Variants in STOX2 observed in about 807,000 individuals in gnomAD.
The protein encoded by STOX2 is storkhead box 2, also known as storkhead-box protein 2.
STOX2 carries 28 observed loss-of-function variants against 60.9 expected under a neutral mutation model. The observed-to-expected ratio is 0.46, with a 90% CI of 0.34 to 0.63. The LOEUF (loss-of-function observed/expected upper bound fraction) is 0.63, where lower values mean the gene tolerates loss of function less well. Among genes scored for constraint, STOX2 ranks in the 30% least tolerant of loss-of-function variants. The probability of loss-of-function intolerance (pLI) is 0.01; values close to 1 mark genes in which losing one functional copy is unlikely to be tolerated. For missense variants in STOX2, 1,024 were observed against 1,187.7 expected (o/e 0.86, Z 2.03); for synonymous variants, 472 against 463.9 (o/e 1.02, Z -0.22).
intron 1 of STOX2, among the ~76,000 whole-genome samples, chr4:183,965,194 G>T (rs1743527334): frequency 6.6e-6 from 1 of 152,206 alleles, no homozygotes; most frequent in Non-Finnish European, 1.5e-5. Context: ...CATGTGGAAT[G>T]GTGACAAGTG....
intron 1 of STOX2, among the ~76,000 whole-genome samples, chr4:183,971,546 G>A (rs774526754): frequency 2.6e-5 from 4 of 152,176 alleles, no homozygotes; most frequent in Non-Finnish European, 5.9e-5. Flanking sequence ...AAAGAAAATA[G>A]TTGGCCAAAG....
chr4:183,988,190 A>G (rs1732934228), intron 1 of STOX2: 2 of 152,088 alleles, frequency 1.3e-5, no homozygotes, highest in African/African-American at 4.8e-5. Flanking sequence ...TCTTGGAGCG[A>G]TGACTCATTT....
chr4:183,924,852 C>T (rs1407852611), intron 1 of STOX2, among the ~76,000 whole-genome samples: 1 of 152,072 alleles, frequency 6.6e-6, no homozygotes, highest in Non-Finnish European at 1.5e-5. Context: ...GGCAAGATAC[C>T]AGAGTCAAGA....
At chr4:183,870,353 C>T (rs138581964) in intron 1 of STOX2, among the ~76,000 whole-genome samples, 231 of 152,292 alleles carry the variant, frequency 1.5e-3, no homozygotes, top group African/African-American at 5.3e-3. Flanking sequence ...AACCCTAAAA[C>T]CATTTCTTTC....
At chr4:183,884,258 C>T (rs1741027075) in intron 1 of STOX2, among the ~76,000 whole-genome samples, 2 of 152,006 alleles carry the variant, frequency 1.3e-5, no homozygotes, top group African/African-American at 2.4e-5. Flanking sequence ...AACTTGTCAC[C>T]ACAGAAAAGG....
chr4:183,952,309 G>T (rs1479286967), intron 1 of STOX2, among the ~76,000 whole-genome samples: 1 of 151,824 alleles, frequency 6.6e-6, no homozygotes, highest in Non-Finnish European at 1.5e-5. Context: ...TTCTTCTAAA[G>T]AAAAAAGAAA....
At chr4:183,798,904 GTTTTTGTA>G (rs757141856) in intron 1 of STOX2, 434,918 of 749,462 alleles carry the variant, frequency 0.58, 129,552 homozygotes, top group Admixed American at 0.62. Flanking sequence ...TATACTTTGA[GTTTTTGTA>G]CTATTACATA....
At position 183,825,405 on chromosome 4, in the gene STOX2, G is replaced by A. The variant is rs141208218; in HGVS notation, c.364+27350G>A. 1.5e-3 allele frequency among the ~76,000 whole-genome samples: 232 copies of A among 152,294 alleles called. 3 individuals carry two copies. The highest frequency in any genetic ancestry group is 5.1e-3 in the African/African-American group (212 of 41,574). ...ACAGCTGGGCCATCCCTCGTGTGGC[G>A]CGTGCTGCAGATGGCAGCGGTCAGC... On this transcript the variant is annotated intron_variant, in intron 1 of 2. Transcript: ENST00000513034. The surrounding 1 kb of genome is among the most constrained non-coding windows in gnomAD (Gnocchi z 4.1).
intron 1 of STOX2, among the ~76,000 whole-genome samples, chr4:183,994,943 T>A (rs1733267491): frequency 2.6e-5 from 4 of 152,110 alleles, no homozygotes; most frequent in Admixed American, 2.6e-4. Context: ...GAAAAAAAAA[T>A]TATTTAAAGA....
chr4:183,817,332 G>A lies in STOX2; in HGVS notation c.364+19277G>A, dbSNP rs112765188. Among the ~76,000 whole-genome samples the A allele has an allele frequency of 7.3e-3, 1,119 of 152,314 alleles. 11 individuals are homozygous for A. The highest frequency in any genetic ancestry group is 0.025 in the African/African-American group (1,035 of 41,562). On this transcript the variant is annotated intron_variant, in intron 1 of 2. Coordinates refer to the STOX2 transcript ENST00000513034. Reference sequence around the variant, plus strand: ...AAAAGAACGTGCCACACACCCGGAGGCGTGCCTTGCTTTGCAACCCTTTGC... The same window carrying A: ...AAAAGAACGTGCCACACACCCGGAGACGTGCCTTGCTTTGCAACCCTTTGC...
At chr4:183,929,443 T>A (rs1252562290) in intron 1 of STOX2, among the ~76,000 whole-genome samples, 1 of 152,208 alleles carries the variant, frequency 6.6e-6, no homozygotes, top group Admixed American at 6.5e-5. Context: ...TATATGACAT[T>A]ACGTGTAGTA....
At chr4:184,007,015 CAAA>C (rs61393267) in intron 2 of STOX2, among the ~76,000 whole-genome samples, 1 of 52,816 alleles carries the variant, frequency 1.9e-5, no homozygotes, top group Non-Finnish European at 3.7e-5. Flanking sequence ...GACTCTGTCT[CAAA>C]AAAAAAAAAA....
chr4:183,803,802 A>C (rs1385337837), intron 1 of STOX2, among the ~76,000 whole-genome samples: 1 of 152,138 alleles, frequency 6.6e-6, no homozygotes, highest in Non-Finnish European at 1.5e-5. Context: ...GTCTCTACTA[A>C]AAACACAAAA....
At chr4:183,827,226 G>A (rs975557710) in intron 1 of STOX2, among the ~76,000 whole-genome samples, 11 of 152,140 alleles carry the variant, frequency 7.2e-5, no homozygotes, top group Admixed American at 5.2e-4. Flanking sequence ...GCATGGGTGC[G>A]GTGGCTCACA....
chr4:184,007,003 G>C (rs1316472639), intron 2 of STOX2, among the ~76,000 whole-genome samples: 3 of 106,232 alleles, frequency 2.8e-5, no homozygotes, highest in Non-Finnish European at 5.2e-5. Flanking sequence ...GCGACAGAGC[G>C]AGACTCTGTC....
chr4:183,987,156 C>T (rs1427015980), intron 1 of STOX2, among the ~76,000 whole-genome samples: 1 of 152,186 alleles, frequency 6.6e-6, no homozygotes. Context: ...AGTACCACTG[C>T]CGTGAGATTC....
At chr4:183,920,579 A>T (rs1187743963) in intron 1 of STOX2, among the ~76,000 whole-genome samples, 1 of 152,172 alleles carries the variant, frequency 6.6e-6, no homozygotes, top group African/African-American at 2.4e-5. Flanking sequence ...TATGTTATTT[A>T]AAAATAATCT....
chr4:183,956,653 A>T (rs1560904088), intron 1 of STOX2, among the ~76,000 whole-genome samples: 2 of 152,276 alleles, frequency 1.3e-5, no homozygotes, highest in East Asian at 1.9e-4. Flanking sequence ...CATTGATATG[A>T]TACTATTTCT....
At chr4:183,967,767 G>A (rs996436676) in intron 1 of STOX2, among the ~76,000 whole-genome samples, 3 of 152,162 alleles carry the variant, frequency 2.0e-5, no homozygotes, top group Non-Finnish European at 4.4e-5. Context: ...TCAACTTTGG[G>A]TTATGAAAAA....
Sources: allele counts gnomAD v4.1 joint callset (sites outside exome capture counted in the v4.1 genomes callset), GRCh38; gene constraint gnomAD v4.1.1; non-coding constraint Gnocchi (gnomAD v3.1); transcripts MANE v1.5; gene names NCBI Gene and HGNC (gene_info 2026-07-23, HGNC 2026-07-21).